The following SETD4 variants were observed in gnomAD, a reference collection of about 807,000 sequenced individuals.
The protein encoded by SETD4 is SET domain-containing protein 4.
In SETD4, 46 loss-of-function variants were observed where a neutral mutation model predicts 58.3. That is an observed-to-expected ratio of 0.79 (90% CI 0.62 to 1.01). SETD4 has a LOEUF of 1.01. Among genes scored for constraint, SETD4 ranks in the 50% least tolerant of loss-of-function variants. The probability of loss-of-function intolerance (pLI) is 0.00; values close to 1 mark genes in which losing one functional copy is unlikely to be tolerated. For missense variants in SETD4, 490 were observed against 523.3 expected (o/e 0.94, Z 0.62); for synonymous variants, 190 against 202.6 (o/e 0.94, Z 0.53).
intron 6 of SETD4, 140 bp downstream of exon 6, chr21:36,045,442 A>C (rs1263901227): frequency 1.1e-6 from 1 of 935,606 alleles, no homozygotes; most frequent in East Asian, 2.5e-5. Context: ...GAGCCTCCTG[A>C]CGTCAGGCCA....
At chr21:36,049,291 A>G (rs1410321837) in intron 4 of SETD4, among the ~76,000 whole-genome samples, 1 of 152,252 alleles carries the variant, frequency 6.6e-6, no homozygotes, top group Non-Finnish European at 1.5e-5. Flanking sequence ...GCGGTGGCTC[A>G]TGCCTGTCAT....
At chr21:36,050,376 G>A (rs2064599595) in intron 4 of SETD4, 1 of 1,614,120 alleles carries the variant, frequency 6.2e-7, no homozygotes, top group Non-Finnish European at 8.5e-7. Context: ...GCTGACAATG[G>A]AGAAAGGAAA....
Position 36,045,810 on chromosome 21 carries a change from C to T in SETD4, c.498G>A (p.Val166=), listed in dbSNP as rs2064298862. 6.2e-6 allele frequency: 10 copies of T among 1,614,236 alleles called. No homozygotes were observed. Among genetic ancestry groups the T allele is most frequent in the Non-Finnish European group, 8.5e-6 (10 of 1,180,050 alleles). ...CTCTGGAGGAAGCAAAGAACTCCTG[C>T]ACGTGGGCTCTCTGCTCTTCAGCCT... The part of the protein sequence containing the change: ...KAKAEEQRAH[V]QEFFASSRDF... The change falls in exon 6 of 12, where the codon GTG becomes GTA. Residue 166 remains valine (V), a synonymous_variant. Transcript: ENST00000332131.
intron 2 of SETD4, 94 bp downstream of exon 2, chr21:36,058,722 A>AAAAG (rs931198046): frequency 2.1e-5 from 29 of 1,399,184 alleles, no homozygotes; most frequent in Middle Eastern, 3.7e-4. Flanking sequence ...CGTCTCAGAA[A>AAAAG]AAAGAAAGAA....
chr21:36,055,778 GA>G (rs2064956508), intron 3 of SETD4, among the ~76,000 whole-genome samples: 1 of 152,220 alleles, frequency 6.6e-6, no homozygotes, highest in African/African-American at 2.4e-5. Flanking sequence ...TTAAAAATAG[GA>G]ACTCTTTACT....
chr21:36,060,082 T>A lies in SETD4; in HGVS notation c.-37+265A>T, dbSNP rs531270853. ...CCGACACACACCGCTCCCGCAGCCA[T>A]AGGCCAGCCAGGCGAGCATCGGACC... On this transcript the variant is annotated intron_variant, in intron 1 of 11. Coordinates refer to ENST00000332131, the MANE Select transcript of SETD4 (RefSeq NM_017438.5). The A allele has an allele frequency of 1.8e-3, 1,791 of 985,604 alleles. 5 individuals are homozygous for A. Among genetic ancestry groups the A allele is most frequent in the Non-Finnish European group, 2.0e-3 (1,663 of 830,072 alleles). 61.1% of individuals were successfully genotyped at this position (985,604 alleles called of 1,614,324 possible).
intron 3 of SETD4, among the ~76,000 whole-genome samples, chr21:36,055,880 T>C (rs1371581321): frequency 6.6e-6 from 1 of 152,156 alleles, no homozygotes; most frequent in Non-Finnish European, 1.5e-5. Context: ...CCATCCTTCC[T>C]AGGGCAAATG....
intron 4 of SETD4, chr21:36,050,633 A>T: frequency 6.2e-7 from 1 of 1,610,134 alleles, no homozygotes. Context: ...GTGGCCATGA[A>T]AATTTTGCTA....
chr21:36,043,157 A>G (rs1313083219), intron 7 of SETD4: 1 of 152,296 alleles, frequency 6.6e-6, no homozygotes, highest in Admixed American at 6.5e-5. Context: ...GCTACTCCAG[A>G]GGCTAAGGCA....
intron 3 of SETD4, among the ~76,000 whole-genome samples, chr21:36,056,543 G>A (rs1304895546): frequency 6.6e-6 from 1 of 152,156 alleles, no homozygotes; most frequent in Non-Finnish European, 1.5e-5. Context: ...GAATGTTCCA[G>A]AAGAAAGTGG....
chr21:36,044,027 A>G, intron 6 of SETD4, 71 bp from the exon 7 acceptor site: 1 of 1,516,048 alleles, frequency 6.6e-7, no homozygotes, highest in Non-Finnish European at 9.0e-7. Context: ...AAGTTATTAC[A>G]TAATATTAAT....
intron 9 of SETD4, among the ~76,000 whole-genome samples, chr21:36,040,202 C>T (rs563604983): frequency 3.9e-5 from 6 of 152,332 alleles, no homozygotes; most frequent in Admixed American, 6.5e-5. Context: ...AGGGCAGGAC[C>T]GACGTTAGGG....
At chr21:36,058,100 TC>T (rs2065079966) in intron 2 of SETD4, among the ~76,000 whole-genome samples, 2 of 152,050 alleles carry the variant, frequency 1.3e-5, no homozygotes. Flanking sequence ...AAGTTGGGAG[TC>T]ATCCCCAGAG....
chr21:36,039,036 C>T (rs1006703467), intron 9 of SETD4, among the ~76,000 whole-genome samples: 2 of 151,598 alleles, frequency 1.3e-5, no homozygotes, highest in African/African-American at 4.9e-5. Flanking sequence ...TGGAAGTAAA[C>T]AGGAGCCCAT....
chr21:36,041,455 G>A (rs1226577736), intron 8 of SETD4, among the ~76,000 whole-genome samples: 1 of 152,198 alleles, frequency 6.6e-6, no homozygotes. Flanking sequence ...GCACCATGTT[G>A]CCAGGTGCGT....
rs138575873 is a variant in SETD4 at position 36,038,182 on chromosome 21, A to T, written c.1156T>A (p.Phe386Ile). 237 of 1,613,936 alleles carry T rather than the reference A, an allele frequency of 1.5e-4. No individual in the cohort carries two copies. The highest frequency in any genetic ancestry group is 1.9e-4 in the Non-Finnish European group (227 of 1,180,010). ...AGCACAGCATTAGTCTCTTCTATGA[A>T]ATAATAGCATATTTTCTGGGCTATG... is the stretch of plus-strand genomic sequence containing the variant. ...LDIAQKICYYFIEETNAVLQK... is the reference protein window; with the variant it reads ...LDIAQKICYYIIEETNAVLQK... Residue 386 changes from phenylalanine (F) to isoleucine (I), a missense_variant, in exon 10 of 12, where the codon TTC becomes ATC. Transcript: ENST00000332131.
At chr21:36,051,160 G>T in intron 4 of SETD4, 2 of 1,571,112 alleles carry the variant, frequency 1.3e-6, no homozygotes, top group South Asian at 1.1e-5. Flanking sequence ...CTCACCCAGC[G>T]TATGTCCCTG....
At position 36,035,805 on chromosome 21, in the gene SETD4, G is replaced by C. The variant is rs1013549658; in HGVS notation, c.*188C>G. On this transcript the variant is annotated 3_prime_UTR_variant, in exon 12 of 12. Transcript: ENST00000332131. ...TCCTCACAGTTCAGCACTTTATTCG[G>C]AAGAGCATTAGACCTGCCATCCAGA... 1 of 365,044 alleles carries C rather than the reference G, an allele frequency of 2.7e-6. No individual in the cohort carries two copies. The highest frequency in any genetic ancestry group is 2.6e-5 in the South Asian group (1 of 38,324). 22.6% of individuals were successfully genotyped at this position (365,044 alleles called of 1,614,324 possible). A position where few individuals can be genotyped will look rare whatever the true frequency, so the allele number is the denominator to read the frequency against.
rs749362489 is a variant in SETD4, at chr21:36,045,982, G to A, written c.326C>T (p.Ala109Val). 2.3e-5 allele frequency: 37 copies of A among 1,613,666 alleles called. No homozygotes were observed. Among genetic ancestry groups the A allele is most frequent in the Admixed American group, 8.3e-5 (5 of 59,986 alleles). The change falls in exon 6 of 12, where the codon GCG becomes GTG. Residue 109 changes from alanine (A) to valine (V), a missense_variant. Transcript: ENST00000332131. ...TTCTGAAACTAAAAAGGTGCACAGC[G>A]CCAGCAGAGGAGATGGAGGAGGCTT... ...KWKPPPSPLL[A>V]LCTFLVSEKH...
Sources: gnomAD v4.1 joint callset for allele counts (sites outside exome capture counted in the v4.1 genomes callset) on GRCh38, gnomAD v4.1.1 for gene constraint, MANE v1.5 for transcripts, NCBI Gene and HGNC (gene_info 2026-07-23, HGNC 2026-07-21) for gene names.